The following FIP1L1 variants were observed in gnomAD, a reference collection of about 807,000 sequenced individuals.
The protein encoded by FIP1L1 is pre-mRNA 3'-end-processing factor FIP1.
Under a neutral mutation model 84.6 loss-of-function variants are expected in FIP1L1, and 21 were observed. The observed-to-expected ratio is 0.25, with a 90% CI of 0.18 to 0.36. The LOEUF (loss-of-function observed/expected upper bound fraction) is 0.36, where lower values mean the gene tolerates loss of function less well. FIP1L1 is among the 10% of genes least tolerant of loss of function. FIP1L1 has a pLI of 1.00. For synonymous variants in FIP1L1, 263 were observed against 242.3 expected (o/e 1.09, Z -0.80); for missense variants, 526 against 751.1 (o/e 0.70, Z 3.50).
At chr4:53,389,783 G>A in intron 5 of FIP1L1, 26 bp from the exon 6 acceptor site, 1 of 1,528,070 alleles carries the variant, frequency 6.5e-7, no homozygotes, top group Non-Finnish European at 8.9e-7. Flanking sequence ...GATAATTTCT[G>A]TTTTTTTTTG....
At chr4:53,404,400 C>G (rs1049418503) in intron 10 of FIP1L1, among the ~76,000 whole-genome samples, 1 of 151,946 alleles carries the variant, frequency 6.6e-6, no homozygotes, top group African/African-American at 2.4e-5. Context: ...TTTTCTTAAT[C>G]CAGTCTGTCA....
chr4:53,384,620 T>C (rs1270844310), intron 5 of FIP1L1, among the ~76,000 whole-genome samples: 1 of 152,214 alleles, frequency 6.6e-6, no homozygotes, highest in Non-Finnish European at 1.5e-5. Flanking sequence ...CTTAGGCCTT[T>C]TAGGCCAATG....
chr4:53,378,614 C>A (rs1005026138), intron 1 of FIP1L1: 4 of 158,738 alleles, frequency 2.5e-5, no homozygotes, highest in Non-Finnish European at 5.5e-5. Context: ...TTTTCAGTGT[C>A]ATCTCATGTA....
At chr4:53,379,372 A>G in intron 3 of FIP1L1, 108 bp downstream of exon 3, 1 of 937,248 alleles carries the variant, frequency 1.1e-6, no homozygotes, top group African/African-American at 1.6e-5. Flanking sequence ...TACAACACTG[A>G]CTTACAACAT....
chr4:53,452,353 C>G lies in FIP1L1; in HGVS notation c.1286-567C>G, dbSNP rs370689310. 1.4e-4 allele frequency among the ~76,000 whole-genome samples: 21 copies of G among 151,270 alleles called. 1 individual carries two copies. The South Asian group carries it at 4.4e-3, about 32-fold the overall frequency. ...TTTCTTTTTTTGAGATAGTCTCACT[C>G]TGTCGCCCAGGCTAGAGTGCAGTGA... On this transcript the variant is annotated intron_variant, in intron 15 of 17. Transcript: ENST00000337488.
At chr4:53,441,379 T>G (rs1167197080) in intron 13 of FIP1L1, among the ~76,000 whole-genome samples, 1 of 151,810 alleles carries the variant, frequency 6.6e-6, no homozygotes, top group African/African-American at 2.4e-5. Flanking sequence ...CATACTTAGA[T>G]GTGGAATACA....
chr4:53,438,429 A>G (rs1770438238), intron 13 of FIP1L1, among the ~76,000 whole-genome samples: 1 of 152,226 alleles, frequency 6.6e-6, no homozygotes, highest in Admixed American at 6.5e-5. Flanking sequence ...ACATTCAGTA[A>G]TTGTCAAAGA....
At chr4:53,432,098 T>G (rs1485747158) in intron 13 of FIP1L1, among the ~76,000 whole-genome samples, 1 of 152,042 alleles carries the variant, frequency 6.6e-6, no homozygotes, top group Non-Finnish European at 1.5e-5. Context: ...TAACAGTAGC[T>G]TGAAAACAAA....
At chr4:53,397,851 T>C (rs1245309663) in intron 9 of FIP1L1, among the ~76,000 whole-genome samples, 1 of 152,212 alleles carries the variant, frequency 6.6e-6, no homozygotes, top group Admixed American at 6.5e-5. Context: ...TGGGGAAGAC[T>C]TGTAGAGGAT....
intron 15 of FIP1L1, among the ~76,000 whole-genome samples, chr4:53,447,759 G>A (rs1193668937): frequency 6.6e-6 from 1 of 152,068 alleles, no homozygotes; most frequent in Non-Finnish European, 1.5e-5. Flanking sequence ...CTTGGGGATG[G>A]AAACCTAGTC....
At chr4:53,458,290 AAGG>A (rs1227889250) in intron 16 of FIP1L1, among the ~76,000 whole-genome samples, 2 of 152,180 alleles carry the variant, frequency 1.3e-5, no homozygotes, top group Non-Finnish European at 2.9e-5. Flanking sequence ...TTAATTCTAA[AAGG>A]AGCAAAAATT....
At chr4:53,448,468 C>T (rs1197671854) in intron 15 of FIP1L1, among the ~76,000 whole-genome samples, 5 of 152,056 alleles carry the variant, frequency 3.3e-5, no homozygotes, top group Non-Finnish European at 7.4e-5. Flanking sequence ...CCATGAAAAA[C>T]TTGAGATTTT....
Position 53,407,338 on chromosome 4 carries a change from C to G in FIP1L1, c.816-7277C>G, listed in dbSNP as rs139996901. Among the ~76,000 whole-genome samples, 518 of 152,222 alleles carry G rather than the reference C, an allele frequency of 3.4e-3. 7 individuals carry two copies. The highest frequency in any genetic ancestry group is 0.012 in the African/African-American group (502 of 41,524). Reference sequence around the variant, plus strand: ...AGCGGTTCTGAGTGAGTTTCTTAATCCTGAGTTCTAGTTTGATTGCACTGT... The same window carrying G: ...AGCGGTTCTGAGTGAGTTTCTTAATGCTGAGTTCTAGTTTGATTGCACTGT... On this transcript the variant is annotated intron_variant, in intron 10 of 17. Coordinates refer to ENST00000337488, the MANE Select transcript of FIP1L1 (RefSeq NM_030917.4).
chr4:53,444,098 G>A lies in FIP1L1; in HGVS notation c.1280G>A (p.Gly427Asp). 3 of 1,594,208 alleles carry A rather than the reference G, an allele frequency of 1.9e-6. No homozygotes were observed. Among genetic ancestry groups the A allele is most frequent in the Non-Finnish European group, 2.6e-6 (3 of 1,162,242 alleles). The change falls in exon 15 of 18, where the codon GGC (glycine) becomes GAC (aspartate). Residue 427 changes from glycine (G) to aspartate (D), a missense_variant. Around this residue, in one of 6 missense-constraint regions of FIP1L1, gnomAD observed 83 missense variants for 93.8 expected, o/e 0.88. Coordinates refer to ENST00000337488, the MANE Select transcript of FIP1L1 (RefSeq NM_030917.4). ...DSRSARAFPYGNVAFPHLPGS... is the reference protein window; with the variant it reads ...DSRSARAFPYDNVAFPHLPGS... ...CGTTCTGCACGTGCATTTCCATATG[G>A]CAATGGTAAGTAGTATTATTTAGAT...
In FIP1L1 at chr4:53,377,826, GC is replaced by G; in HGVS notation, c.-12del. ...CTGTTGATCGCCGCGTTTAAGTTGCGCTCGGGGCGGCCATGTCGGCCGGCGA... is the reference window on the plus strand; with the variant it reads ...CTGTTGATCGCCGCGTTTAAGTTGCGTCGGGGCGGCCATGTCGGCCGGCGA... On this transcript the variant is annotated 5_prime_UTR_variant, in exon 1 of 18. Transcript: ENST00000337488. 1 of 1,556,180 alleles carries G rather than the reference GC, an allele frequency of 6.4e-7. No homozygotes were observed. Among genetic ancestry groups the G allele is most frequent in the Non-Finnish European group, 8.7e-7 (1 of 1,149,980 alleles).
chr4:53,403,092 T>C (rs1751137237), intron 10 of FIP1L1, among the ~76,000 whole-genome samples: 1 of 152,140 alleles, frequency 6.6e-6, no homozygotes, highest in South Asian at 2.1e-4. Context: ...GAAATAGTTT[T>C]TTGGAGTTCT....
At position 53,459,934 on chromosome 4, in the gene FIP1L1, T is replaced by C. The variant is rs895954317; in HGVS notation, c.*485T>C. 2.8e-5 allele frequency: 6 copies of C among 218,016 alleles called. No individual in the cohort carries two copies. The highest frequency in any genetic ancestry group is 9.0e-5 in the African/African-American group (4 of 44,502). 13.5% of individuals were successfully genotyped at this position (218,016 alleles called of 1,614,324 possible). On this transcript the variant is annotated 3_prime_UTR_variant, in exon 18 of 18. Transcript: ENST00000337488. ...TTAAGAGACTCATACATTTTTGATA[T>C]CACAACTTTTTGATGGCTTTTCAAT...
intron 9 of FIP1L1, among the ~76,000 whole-genome samples, chr4:53,391,920 T>C (rs1485168441): frequency 1.3e-5 from 2 of 152,314 alleles, no homozygotes; most frequent in South Asian, 2.1e-4. Context: ...AACACTGATA[T>C]CATTGGTGTA....
intron 9 of FIP1L1, among the ~76,000 whole-genome samples, chr4:53,397,152 T>A (rs1302691905): frequency 6.6e-6 from 1 of 152,250 alleles, no homozygotes; most frequent in Non-Finnish European, 1.5e-5. Context: ...CATGTTGTTT[T>A]CCCTGTAAAG....
Sources: allele counts gnomAD v4.1 joint callset (sites outside exome capture counted in the v4.1 genomes callset), GRCh38; gene constraint gnomAD v4.1.1; regional missense constraint gnomAD v4.1.1; transcripts MANE v1.5; gene names NCBI Gene and HGNC (gene_info 2026-07-23, HGNC 2026-07-21).